The following PRICKLE1 variants were observed in gnomAD, a reference collection of about 807,000 sequenced individuals.
PRICKLE1 encodes prickle planar cell polarity protein 1, also known as prickle-like protein 1.
Under a neutral mutation model 70.2 loss-of-function variants are expected in PRICKLE1, and 14 were observed. The ratio of observed to expected loss-of-function variants is 0.20; its 90% CI spans 0.13 to 0.31. The LOEUF (loss-of-function observed/expected upper bound fraction) is 0.31, where lower values mean the gene tolerates loss of function less well. Ranked by LOEUF, PRICKLE1 falls within the 10% of genes least tolerant of loss-of-function variation. The probability of loss-of-function intolerance (pLI) is 1.00; values close to 1 mark genes in which losing one functional copy is unlikely to be tolerated. For missense variants in PRICKLE1, 821 were observed against 1,026.2 expected (o/e 0.80, Z 2.73); for synonymous variants, 357 against 379.9 (o/e 0.94, Z 0.70).
At chr12:42,475,229 G>A (rs943954365) in intron 1 of PRICKLE1, among the ~76,000 whole-genome samples, 20 of 152,218 alleles carry the variant, frequency 1.3e-4, no homozygotes, top group African/African-American at 4.8e-4. Flanking sequence ...GAGTCCAACT[G>A]AAGGACATGA....
chr12:42,504,012 C>G (rs868502507), intron 1 of PRICKLE1, among the ~76,000 whole-genome samples: 1 of 149,152 alleles, frequency 6.7e-6, no homozygotes, highest in Non-Finnish European at 1.5e-5. Context: ...AATCAAAAAC[C>G]CACTTCCTCA....
intron 1 of PRICKLE1, among the ~76,000 whole-genome samples, chr12:42,487,123 A>T (rs1939004723): frequency 6.6e-6 from 1 of 152,250 alleles, no homozygotes; most frequent in African/African-American, 2.4e-5. Context: ...ATCCAAAGGA[A>T]TCACTGTAAT....
intron 1 of PRICKLE1, among the ~76,000 whole-genome samples, chr12:42,566,093 A>G (rs1330621432): frequency 6.6e-6 from 1 of 152,164 alleles, no homozygotes; most frequent in Non-Finnish European, 1.5e-5. Flanking sequence ...GGCTCTTAGT[A>G]GAAGCACATT....
chr12:42,547,777 T>C (rs1371688012), intron 1 of PRICKLE1, among the ~76,000 whole-genome samples: 1 of 152,222 alleles, frequency 6.6e-6, no homozygotes, highest in Non-Finnish European at 1.5e-5. Flanking sequence ...ATAATGTTAA[T>C]TTACGAGAGG....
At chr12:42,574,757 T>A (rs957117182) in intron 1 of PRICKLE1, among the ~76,000 whole-genome samples, 6 of 152,240 alleles carry the variant, frequency 3.9e-5, no homozygotes, top group Non-Finnish European at 4.4e-5. Flanking sequence ...GTACAGTATT[T>A]ATACCGTTGT....
intron 1 of PRICKLE1, among the ~76,000 whole-genome samples, chr12:42,479,862 G>A (rs560735855): frequency 2.0e-5 from 3 of 152,178 alleles, no homozygotes; most frequent in Non-Finnish European, 2.9e-5. Flanking sequence ...GCTGAGGCAG[G>A]AGAATTGCTT....
At chr12:42,571,988 G>C (rs1286629134) in intron 1 of PRICKLE1, among the ~76,000 whole-genome samples, 3 of 152,162 alleles carry the variant, frequency 2.0e-5, no homozygotes, top group Non-Finnish European at 4.4e-5. Context: ...ATGAATGAGA[G>C]AGAAATTTTA....
intron 7 of PRICKLE1, chr12:42,463,676 C>A (rs530040798): frequency 6.6e-6 from 1 of 152,278 alleles, no homozygotes; most frequent in Non-Finnish European, 1.5e-5. Flanking sequence ...GGTGAGACTG[C>A]GCCATTGCAC....
chr12:42,544,819 T>C (rs1368980169), intron 1 of PRICKLE1, among the ~76,000 whole-genome samples: 4 of 152,204 alleles, frequency 2.6e-5, no homozygotes, highest in African/African-American at 9.7e-5. Flanking sequence ...GTGCTATTTC[T>C]TCTGAGATTT....
At chr12:42,497,546 CAA>C (rs35111508) in intron 1 of PRICKLE1, among the ~76,000 whole-genome samples, 23 of 98,750 alleles carry the variant, frequency 2.3e-4, no homozygotes, top group Admixed American at 1.6e-3. Context: ...GACTCCATCT[CAA>C]AAAAAAAAAA....
intron 1 of PRICKLE1, among the ~76,000 whole-genome samples, chr12:42,541,342 T>C (rs1291264888): frequency 6.6e-6 from 1 of 151,956 alleles, no homozygotes; most frequent in African/African-American, 2.4e-5. Flanking sequence ...CTCTTCTCTT[T>C]TTTTTTTCTT....
intron 1 of PRICKLE1, among the ~76,000 whole-genome samples, chr12:42,527,949 ATATATATATATATATATATATATC>A (rs1260117132): frequency 0.28 from 25,193 of 89,468 alleles, 4,402 homozygotes; most frequent in East Asian, 0.38. Flanking sequence ...ATATATATAT[ATATATATATATATATATATATATC>A]TCCAAAGTTT....
intron 1 of PRICKLE1, among the ~76,000 whole-genome samples, chr12:42,497,546 C>CAA (rs35111508): frequency 0.13 from 12,922 of 98,296 alleles, 1,243 homozygotes; most frequent in East Asian, 0.32. Context: ...GACTCCATCT[C>CAA]AAAAAAAAAA....
In PRICKLE1 at chr12:42,485,832, A is replaced by T. The variant is rs149398776; in HGVS notation, c.-48-13268T>A. Reference sequence around the variant, plus strand: ...TGCTTCCTCTAACGCAGTTACTTGTAAATACGTTTTGTTATATTTTCAACA... The same window carrying T: ...TGCTTCCTCTAACGCAGTTACTTGTTAATACGTTTTGTTATATTTTCAACA... On this transcript the variant is annotated intron_variant, in intron 1 of 7. Transcript: ENST00000345127. Among the ~76,000 whole-genome samples, 243 of 152,322 alleles carry T rather than the reference A, an allele frequency of 1.6e-3. 1 individual carries two copies. Among genetic ancestry groups the T allele is most frequent in the Admixed American group, 4.9e-3 (75 of 15,298 alleles).
At chr12:42,479,085 A>G (rs1456800300) in intron 1 of PRICKLE1, among the ~76,000 whole-genome samples, 1 of 152,224 alleles carries the variant, frequency 6.6e-6, no homozygotes, top group Non-Finnish European at 1.5e-5. Flanking sequence ...AAGATGGTCT[A>G]AGGATGTTTT....
At chr12:42,466,162 T>C in intron 6 of PRICKLE1, 32 bp downstream of exon 6, 2 of 1,612,058 alleles carry the variant, frequency 1.2e-6, no homozygotes, top group Non-Finnish European at 1.7e-6. Flanking sequence ...AATGGCTAGG[T>C]GACAGGGCAG....
intron 1 of PRICKLE1, among the ~76,000 whole-genome samples, chr12:42,588,895 T>G (rs1941028288): frequency 6.6e-6 from 1 of 152,202 alleles, no homozygotes; most frequent in African/African-American, 2.4e-5. Context: ...TTTTTCTACC[T>G]CAAGAGAGGA....
chr12:42,499,058 A>G (rs1593140106), intron 1 of PRICKLE1, among the ~76,000 whole-genome samples: 3 of 152,318 alleles, frequency 2.0e-5, no homozygotes, highest in Middle Eastern at 3.4e-3. Context: ...CTTTGGTGAT[A>G]GATTGAGTAA....
chr12:42,506,338 A>C (rs35541104), intron 1 of PRICKLE1, among the ~76,000 whole-genome samples: 24,545 of 144,062 alleles, frequency 0.17, 2,782 homozygotes, highest in African/African-American at 0.31. Context: ...TTCACTGAAA[A>C]CTCTGCCTCC....
Sources: gnomAD v4.1 joint callset for allele counts (sites outside exome capture counted in the v4.1 genomes callset) on GRCh38, gnomAD v4.1.1 for gene constraint, MANE v1.5 for transcripts, NCBI Gene and HGNC (gene_info 2026-07-23, HGNC 2026-07-21) for gene names.